Variants in TACR1 observed in about 807,000 individuals in gnomAD.
TACR1 encodes tachykinin receptor 1.
A neutral mutation model predicts 35.8 loss-of-function variants in TACR1; 25 were observed. That is an observed-to-expected ratio of 0.70 (90% confidence interval 0.51 to 0.98). The LOEUF (loss-of-function observed/expected upper bound fraction) is 0.98, where lower values mean the gene tolerates loss of function less well. Ranked by LOEUF, TACR1 falls within the 50% of genes least tolerant of loss-of-function variation. The probability of loss-of-function intolerance (pLI) is 0.00; values close to 1 mark genes in which losing one functional copy is unlikely to be tolerated. For missense variants in TACR1, 478 were observed against 522.9 expected, an observed-to-expected ratio of 0.91 and a Z score of 0.84; for synonymous variants, 195 against 206.7, an observed-to-expected ratio of 0.94 and a Z score of 0.48.
intron 1 of TACR1, among the ~76,000 whole-genome samples, chr2:75,165,853 C>G (rs3686): frequency 6.6e-6 from 1 of 152,110 alleles, no homozygotes; most frequent in Non-Finnish European, 1.5e-5. Context: ...TACTCCCCAG[C>G]TCATGTTTCT....
chr2:75,136,459 C>T (rs887594110), intron 1 of TACR1, among the ~76,000 whole-genome samples: 1 of 152,178 alleles, frequency 6.6e-6, no homozygotes, highest in African/African-American at 2.4e-5. Flanking sequence ...TGGCAAATCA[C>T]CTCTTCATTG....
chr2:75,120,618 G>A lies in TACR1; in HGVS notation c.540C>T (p.Cys180=). 3 of 1,612,718 alleles carry A rather than the reference G, an allele frequency of 1.9e-6. No homozygotes were observed. Among genetic ancestry groups the A allele is most frequent in the Non-Finnish European group, 2.5e-6 (3 of 1,179,322 alleles). ...TCGGATGCTCTGGCCATTCGATCAT[G>A]CACACGACTCTGCTGGGCATGGTCT... ...TTETMPSRVV[C]MIEWPEHPNK... Residue 180 remains cysteine (C), a synonymous_variant, in exon 2 of 5, where the codon TGC becomes TGT. Coordinates refer to ENST00000305249, the MANE Select transcript of TACR1 (RefSeq NM_001058.4).
At chr2:75,128,658 T>A (rs1674123010) in intron 1 of TACR1, among the ~76,000 whole-genome samples, 1 of 152,058 alleles carries the variant, frequency 6.6e-6, no homozygotes, top group South Asian at 2.1e-4. Context: ...GCGCGCATTT[T>A]TTTCTCCCTG....
intron 1 of TACR1, among the ~76,000 whole-genome samples, chr2:75,124,903 T>C (rs1318923177): frequency 6.6e-6 from 1 of 152,164 alleles, no homozygotes; most frequent in Admixed American, 6.5e-5. Context: ...GGTAGATAAC[T>C]CCTGTGTCCC....
intron 1 of TACR1, among the ~76,000 whole-genome samples, chr2:75,194,605 A>G (rs980282002): frequency 6.6e-6 from 1 of 152,030 alleles, no homozygotes; most frequent in Non-Finnish European, 1.5e-5. Context: ...TCAGTGGACA[A>G]AGTTTTTGTG....
chr2:75,072,282 G>A (rs17010733), intron 2 of TACR1, among the ~76,000 whole-genome samples: 5 of 152,148 alleles, frequency 3.3e-5, no homozygotes, highest in Non-Finnish European at 7.4e-5. Context: ...GATGCAGGAC[G>A]GGATTAGCGA....
intron 1 of TACR1, among the ~76,000 whole-genome samples, chr2:75,153,290 A>T (rs953560894): frequency 6.6e-6 from 1 of 152,216 alleles, no homozygotes; most frequent in Non-Finnish European, 1.5e-5. Context: ...GTCTAACAAG[A>T]TGCTATGGCA....
intron 1 of TACR1, among the ~76,000 whole-genome samples, chr2:75,172,806 G>T (rs937636932): frequency 3.9e-5 from 6 of 152,116 alleles, no homozygotes; most frequent in Non-Finnish European, 7.4e-5. Context: ...AATTGGCAGA[G>T]TTGGTTCCTT....
intron 1 of TACR1, among the ~76,000 whole-genome samples, chr2:75,152,732 G>A (rs567254792): frequency 1.3e-5 from 2 of 152,294 alleles, no homozygotes; most frequent in East Asian, 3.9e-4. Flanking sequence ...CTAAACAGGT[G>A]TATAGATCAC....
intron 2 of TACR1, among the ~76,000 whole-genome samples, chr2:75,060,070 A>G (rs909211614): frequency 1.3e-5 from 2 of 152,230 alleles, no homozygotes; most frequent in African/African-American, 4.8e-5. Flanking sequence ...GCAAAGATTT[A>G]TTCAGCACCT....
intron 1 of TACR1, among the ~76,000 whole-genome samples, chr2:75,132,242 T>G (rs1197307296): frequency 6.6e-6 from 1 of 152,148 alleles, no homozygotes; most frequent in Non-Finnish European, 1.5e-5. Context: ...AACACTAAAA[T>G]GAAACAACCT....
intron 4 of TACR1, 26 bp from the exon 5 acceptor site, chr2:75,049,749 G>T: frequency 6.3e-7 from 1 of 1,597,246 alleles, no homozygotes; most frequent in South Asian, 1.1e-5. Context: ...ATGAAGAGGT[G>T]ACCCTTTGGG....
rs186197507 is a variant in TACR1, at chr2:75,089,229, C to T, written c.584+31345G>A. Among the ~76,000 whole-genome samples, 389 of 152,280 alleles carry T rather than the reference C, an allele frequency of 2.6e-3. 3 individuals carry two copies. Among genetic ancestry groups the T allele is most frequent in the African/African-American group, 9.1e-3 (379 of 41,564 alleles). On this transcript the variant is annotated intron_variant, in intron 2 of 4. Transcript: ENST00000305249. ...TAGGTACAGAATGACTTGCCTTTTGCATAAATGAGAACTTTCTTTCATTGG... is the reference window on the plus strand; with the variant it reads ...TAGGTACAGAATGACTTGCCTTTTGTATAAATGAGAACTTTCTTTCATTGG...
At chr2:75,143,022 G>A (rs948598230) in intron 1 of TACR1, among the ~76,000 whole-genome samples, 9 of 152,060 alleles carry the variant, frequency 5.9e-5, no homozygotes, top group Non-Finnish European at 1.2e-4. Context: ...TGTAGAGGGG[G>A]TAATATCTGA....
In TACR1 at chr2:75,120,530, C is replaced by T. The variant is rs201901697; in HGVS notation, c.584+44G>A. On this transcript the variant is annotated intron_variant, in intron 2 of 4. Coordinates refer to ENST00000305249, the MANE Select transcript of TACR1 (RefSeq NM_001058.4). The stretch of plus-strand genomic sequence containing the variant: ...GAGCAAGAAGGGGCCAGGAAGGCAG[C>T]CTGCACCATCGTTTCTTTGGCATGG... 2.5e-5 allele frequency: 39 copies of T among 1,530,588 alleles called. 1 individual carries two copies. Among genetic ancestry groups the T allele is most frequent in the Non-Finnish European group, 3.1e-5 (35 of 1,130,208 alleles). 94.8% of individuals were successfully genotyped at this position (1,530,588 alleles called of 1,614,324 possible).
At chr2:75,149,954 G>A (rs1323391779) in intron 1 of TACR1, among the ~76,000 whole-genome samples, 2 of 152,144 alleles carry the variant, frequency 1.3e-5, no homozygotes, top group African/African-American at 2.4e-5. Flanking sequence ...GCATGAAGCG[G>A]TGTTGAATTT....
At chr2:75,131,668 CAG>C (rs1674181659) in intron 1 of TACR1, among the ~76,000 whole-genome samples, 1 of 152,110 alleles carries the variant, frequency 6.6e-6, no homozygotes, top group South Asian at 2.1e-4. Flanking sequence ...GAAACAGAAG[CAG>C]TAGTTGAAAT....
chr2:75,141,887 G>A (rs567721798), intron 1 of TACR1, among the ~76,000 whole-genome samples: 1 of 152,302 alleles, frequency 6.6e-6, no homozygotes, highest in East Asian at 1.9e-4. Context: ...CTGCCCTACT[G>A]TGAGAGTCCA....
At chr2:75,158,774 G>A (rs1044401551) in intron 1 of TACR1, among the ~76,000 whole-genome samples, 2 of 152,184 alleles carry the variant, frequency 1.3e-5, no homozygotes, top group Admixed American at 6.5e-5. Flanking sequence ...AGAGGAATGG[G>A]TGGTTGGGTG....
Sources: gnomAD v4.1 joint callset for allele counts (sites outside exome capture counted in the v4.1 genomes callset) on GRCh38, gnomAD v4.1.1 for gene constraint, MANE v1.5 for transcripts, NCBI Gene and HGNC (gene_info 2026-07-23, HGNC 2026-07-21) for gene names.